STIM1: variants seen among roughly 807,000 people sequenced by gnomAD.
The protein encoded by STIM1 is stromal interaction molecule 1.
In STIM1, 25 loss-of-function variants were observed where a neutral mutation model predicts 74.7. The ratio of observed to expected loss-of-function variants is 0.33; its 90% CI spans 0.24 to 0.47. The LOEUF is 0.47. Among genes scored for constraint, STIM1 ranks in the 20% least tolerant of loss-of-function variants. STIM1 has a pLI of 1.00. For synonymous variants in STIM1, 328 were observed against 348.8 expected, an observed-to-expected ratio of 0.94 and a Z score of 0.66; for missense variants, 728 against 920.8, an observed-to-expected ratio of 0.79 and a Z score of 2.71.
intron 1 of STIM1, among the ~76,000 whole-genome samples, chr11:3,872,713 G>A (rs2091153661): frequency 1.3e-5 from 2 of 151,766 alleles, no homozygotes; most frequent in African/African-American, 4.8e-5. Context: ...AGTAGAGACA[G>A]TGTTTCACTG....
At chr11:4,007,895 G>A (rs1376592031) in intron 2 of STIM1, among the ~76,000 whole-genome samples, 1 of 152,130 alleles carries the variant, frequency 6.6e-6, no homozygotes, top group Non-Finnish European at 1.5e-5. Flanking sequence ...GCAGACTGTT[G>A]CCATGTAGTC....
At chr11:3,896,214 TC>T (rs1475666783) in intron 1 of STIM1, among the ~76,000 whole-genome samples, 5 of 75,038 alleles carry the variant, frequency 6.7e-5, no homozygotes, top group African/African-American at 5.0e-4. Flanking sequence ...GGAATAGTGC[TC>T]TCTCTCTACC....
rs200375470 is a variant in STIM1, at chr11:4,082,342, C to T, written c.1128C>T (p.Ala376=). The stretch of plus-strand genomic sequence containing the variant: ...ATGCTGAGAAGCAGCTGCTGGTGGC[C>T]AAGGAGGGGGTGAGAACAGCCCTTC... ...KQNAEKQLLV[A]KEGAEKIKKK... is the part of the protein sequence containing the mutation. The change falls in exon 8 of 13, where the codon GCC becomes GCT. Residue 376 remains alanine, a synonymous_variant. Coordinates refer to ENST00000526596, the MANE Select transcript of STIM1 (RefSeq NM_001382567.1). The T allele has an allele frequency of 1.5e-4, 247 of 1,611,814 alleles. No homozygotes were observed. Among genetic ancestry groups the T allele is most frequent in the Admixed American group, 3.5e-4 (21 of 59,786 alleles).
chr11:4,003,277 C>A, intron 2 of STIM1, among the ~76,000 whole-genome samples: 1 of 150,140 alleles, frequency 6.7e-6, no homozygotes, highest in Non-Finnish European at 1.5e-5. Flanking sequence ...CGGGCAGAGA[C>A]ACAACCAAAA....
chr11:3,911,642 C>T (rs1565112551), intron 1 of STIM1, among the ~76,000 whole-genome samples: 2 of 152,044 alleles, frequency 1.3e-5, no homozygotes, highest in Admixed American at 6.6e-5. Flanking sequence ...CTGTCTTGGC[C>T]TCCCACAGTG....
chr11:4,061,685 T>C (rs1029912644), intron 5 of STIM1, among the ~76,000 whole-genome samples: 2 of 152,148 alleles, frequency 1.3e-5, no homozygotes, highest in Admixed American at 1.3e-4. Flanking sequence ...AACAAGTACA[T>C]GTACATGCAT....
At chr11:4,030,061 C>T (rs1457732550) in intron 3 of STIM1, among the ~76,000 whole-genome samples, 1 of 152,162 alleles carries the variant, frequency 6.6e-6, no homozygotes, top group African/African-American at 2.4e-5. Flanking sequence ...GGTGCGGTGG[C>T]TCACGCCTGT....
chr11:3,917,272 G>T (rs117560247), intron 1 of STIM1, among the ~76,000 whole-genome samples: 1 of 152,252 alleles, frequency 6.6e-6, no homozygotes, highest in East Asian at 1.9e-4. Context: ...CCAGCCCTGG[G>T]TATGGCTTCC....
chr11:3,921,854 A>G (rs2092721547), intron 1 of STIM1: 1 of 152,176 alleles, frequency 6.6e-6, no homozygotes, highest in Non-Finnish European at 1.5e-5. Flanking sequence ...GCATATGGAA[A>G]AGGCCATGTG....
intron 1 of STIM1, chr11:3,947,457 C>G (rs920886329): frequency 6.6e-6 from 1 of 152,134 alleles, no homozygotes; most frequent in East Asian, 1.9e-4. Flanking sequence ...AAAGTTTTAA[C>G]GAGGGAGGCT....
At chr11:3,950,464 A>G (rs116621460) in intron 1 of STIM1, among the ~76,000 whole-genome samples, 6,467 of 152,026 alleles carry the variant, frequency 0.043, 431 homozygotes, top group African/African-American at 0.14. Context: ...GTCATGTACC[A>G]TTGTACATAA....
intron 2 of STIM1, among the ~76,000 whole-genome samples, chr11:4,016,820 C>A (rs1004253765): frequency 6.6e-6 from 1 of 152,240 alleles, no homozygotes; most frequent in African/African-American, 2.4e-5. Flanking sequence ...CCGGGTCGAT[C>A]TCAGACTGCT....
At chr11:4,001,914 A>T (rs1035618446) in intron 2 of STIM1, among the ~76,000 whole-genome samples, 4 of 137,180 alleles carry the variant, frequency 2.9e-5, no homozygotes, top group African/African-American at 1.1e-4. Flanking sequence ...AATGGAAAAC[A>T]AAAAAAGGCA....
chr11:4,050,569 G>T (rs956026795), intron 3 of STIM1, among the ~76,000 whole-genome samples: 1 of 152,104 alleles, frequency 6.6e-6, no homozygotes, highest in Admixed American at 6.6e-5. Flanking sequence ...TGACCTCTGG[G>T]TTCTTTTGTA....
At chr11:3,992,258 A>G (rs2093623888) in intron 2 of STIM1, among the ~76,000 whole-genome samples, 1 of 150,562 alleles carries the variant, frequency 6.6e-6, no homozygotes, top group Admixed American at 6.6e-5. Flanking sequence ...AAAAAAAAAC[A>G]CAAAAATTAG....
intron 1 of STIM1, among the ~76,000 whole-genome samples, chr11:3,902,484 C>G (rs1223435982): frequency 1.3e-5 from 2 of 152,184 alleles, no homozygotes; most frequent in African/African-American, 2.4e-5. Flanking sequence ...TTCAGATCAT[C>G]AGGCATTAGA....
intron 2 of STIM1, among the ~76,000 whole-genome samples, chr11:3,987,593 C>T (rs1339364563): frequency 6.6e-6 from 1 of 152,142 alleles, no homozygotes; most frequent in South Asian, 2.1e-4. Context: ...ATCTGTCTCA[C>T]CTAGATGCTT....
intron 4 of STIM1, among the ~76,000 whole-genome samples, chr11:4,057,767 G>C (rs377680174): frequency 6.6e-6 from 1 of 152,172 alleles, no homozygotes; most frequent in Admixed American, 6.5e-5. Context: ...CTACTCGGGA[G>C]GCTGAGGCAG....
chr11:3,873,241 C>T (rs2091183951), intron 1 of STIM1, among the ~76,000 whole-genome samples: 1 of 151,892 alleles, frequency 6.6e-6, no homozygotes, highest in Non-Finnish European at 1.5e-5. Flanking sequence ...CATGGAGAAA[C>T]CCCGTCTTTA....
Sources: allele counts gnomAD v4.1 joint callset (sites outside exome capture counted in the v4.1 genomes callset), GRCh38; gene constraint gnomAD v4.1.1; transcripts MANE v1.5; gene names NCBI Gene and HGNC (gene_info 2026-07-23, HGNC 2026-07-21).